Variants in ADRA1B observed in about 807,000 individuals in gnomAD.
ADRA1B encodes adrenoceptor alpha 1B.
Under a neutral mutation model 17.9 loss-of-function variants are expected in ADRA1B, and 17 were observed. That is an observed-to-expected ratio of 0.95 (90% CI 0.65 to 1.42). The LOEUF (loss-of-function observed/expected upper bound fraction) is 1.42, where lower values mean the gene tolerates loss of function less well. ADRA1B is among the 40% of genes most tolerant of loss of function. ADRA1B has a pLI of 0.00. For synonymous variants in ADRA1B, 366 were observed against 327.6 expected (o/e 1.12, Z -1.27); for missense variants, 681 against 722.1 (o/e 0.94, Z 0.65).
At chr5:159,952,190 C>T (rs531519146) in intron 1 of ADRA1B, among the ~76,000 whole-genome samples, 2 of 152,020 alleles carry the variant, frequency 1.3e-5, no homozygotes, top group Non-Finnish European at 2.9e-5. Context: ...TTCAAGAACC[C>T]CAGTGGATGC....
At chr5:159,940,903 A>G (rs903582156) in intron 1 of ADRA1B, among the ~76,000 whole-genome samples, 6 of 152,242 alleles carry the variant, frequency 3.9e-5, no homozygotes, top group Non-Finnish European at 7.3e-5. Flanking sequence ...CAGCTTTCCA[A>G]GCATAACTCT....
chr5:159,940,761 A>G (rs1246362328), intron 1 of ADRA1B, among the ~76,000 whole-genome samples: 1 of 152,172 alleles, frequency 6.6e-6, no homozygotes, highest in African/African-American at 2.4e-5. Context: ...TTTAGCAGCA[A>G]TTATCTGTGG....
chr5:159,913,827 A>G (rs932576965), upstream of ADRA1B, among the ~76,000 whole-genome samples: 1 of 152,162 alleles, frequency 6.6e-6, no homozygotes, highest in African/African-American at 2.4e-5. Context: ...GAAGTGGGAA[A>G]TGGGCCACCA....
At chr5:159,920,960 C>A (rs948327278) in intron 1 of ADRA1B, among the ~76,000 whole-genome samples, 1 of 152,170 alleles carries the variant, frequency 6.6e-6, no homozygotes, top group Non-Finnish European at 1.5e-5. Flanking sequence ...TGGTGATAGA[C>A]TTTCAGGTGC....
chr5:159,961,461 G>A (rs879691121), intron 1 of ADRA1B, among the ~76,000 whole-genome samples: 5 of 152,202 alleles, frequency 3.3e-5, no homozygotes, highest in Non-Finnish European at 5.9e-5. Flanking sequence ...CCAGGGTTAA[G>A]TGGCAAATAA....
intron 1 of ADRA1B, among the ~76,000 whole-genome samples, chr5:159,967,312 CAATAA>C (rs1215090873): frequency 6.6e-5 from 10 of 152,038 alleles, no homozygotes; most frequent in African/African-American, 1.9e-4. Context: ...AAAAAGCAAA[CAATAA>C]AATAACAAAA....
At position 159,881,180 on chromosome 5, in the gene ADRA1B, C is replaced by CAAAA. The variant is rs35928792; in HGVS notation, c.-256+15998_-256+16001dup. Among the ~76,000 whole-genome samples the CAAAA allele has an allele frequency of 9.0e-4, 51 of 56,810 alleles. 3 individuals are homozygous for CAAAA. Among genetic ancestry groups the CAAAA allele is most frequent in the African/African-American group, 1.9e-3 (34 of 18,016 alleles). The allele number at this position is 56,810 out of a possible 152,430, so 37.3% of individuals were successfully genotyped here. A position where few individuals can be genotyped will look rare whatever the true frequency, so the allele number is the denominator to read the frequency against. The stretch of plus-strand genomic sequence containing the variant: ...TGGGCGACAGAGCGAGACTCCGTCT[C>CAAAA]AAAAAAAAAAAAAAAAAAAAAAAAA... On this transcript the variant is annotated intron_variant, in intron 1 of 2. Coordinates refer to the ADRA1B transcript ENST00000641205.
chr5:159,887,831 A>G (rs1456888458), intron 1 of ADRA1B, among the ~76,000 whole-genome samples: 4 of 152,152 alleles, frequency 2.6e-5, no homozygotes, highest in Non-Finnish European at 5.9e-5. Flanking sequence ...AGTTATAACT[A>G]TGCTCCATGG....
chr5:159,924,931 T>G (rs1163173728), intron 1 of ADRA1B, among the ~76,000 whole-genome samples: 1 of 152,244 alleles, frequency 6.6e-6, no homozygotes. Flanking sequence ...GTGCTCTCCA[T>G]GCTGGCTAGG....
At chr5:159,933,965 A>G (rs1754881362) in intron 1 of ADRA1B, among the ~76,000 whole-genome samples, 5 of 152,142 alleles carry the variant, frequency 3.3e-5, no homozygotes, top group Admixed American at 3.3e-4. Flanking sequence ...GGAATGCAGT[A>G]GACAGCGTAT....
intron 1 of ADRA1B, among the ~76,000 whole-genome samples, chr5:159,897,917 C>T (rs1297845741): frequency 6.6e-6 from 1 of 152,216 alleles, no homozygotes; most frequent in Non-Finnish European, 1.5e-5. Flanking sequence ...GGCGCCTGAA[C>T]AGAAATGTTC....
intron 1 of ADRA1B, among the ~76,000 whole-genome samples, chr5:159,866,607 AAGAT>A (rs1753657120): frequency 1.3e-5 from 2 of 151,892 alleles, no homozygotes; most frequent in Non-Finnish European, 2.9e-5. Flanking sequence ...AAAAAAAAAA[AAGAT>A]AGTAATGGTA....
At chr5:159,952,166 C>A (rs1188170743) in intron 1 of ADRA1B, among the ~76,000 whole-genome samples, 1 of 152,122 alleles carries the variant, frequency 6.6e-6, no homozygotes, top group African/African-American at 2.4e-5. Flanking sequence ...CCTTCTTATT[C>A]TTGGGGGATA....
intron 1 of ADRA1B, among the ~76,000 whole-genome samples, chr5:159,931,217 C>G (rs1411781867): frequency 6.7e-6 from 1 of 150,362 alleles, no homozygotes; most frequent in Non-Finnish European, 1.5e-5. Flanking sequence ...TAGGGAGACC[C>G]CCCATCTCTA....
At chr5:159,880,288 A>C (rs1341653816) in intron 1 of ADRA1B, among the ~76,000 whole-genome samples, 1 of 152,214 alleles carries the variant, frequency 6.6e-6, no homozygotes, top group African/African-American at 2.4e-5. Context: ...CCTATAACAG[A>C]GAAGAGTAAA....
At chr5:159,917,912 T>G in intron 1 of ADRA1B, 58 bp downstream of exon 1, 14 of 1,430,556 alleles carry the variant, frequency 9.8e-6, no homozygotes, top group Non-Finnish European at 1.1e-5. Context: ...GGTTTACTGA[T>G]GAGCTTACTC....
chr5:159,937,301 T>C (rs1361974964), intron 1 of ADRA1B, among the ~76,000 whole-genome samples: 8 of 152,236 alleles, frequency 5.3e-5, no homozygotes, highest in Admixed American at 5.2e-4. Flanking sequence ...AGGAAGTTGC[T>C]ATTATCTCCT....
intron 1 of ADRA1B, chr5:159,870,495 T>C (rs948892296): frequency 6.6e-6 from 1 of 152,198 alleles, no homozygotes; most frequent in African/African-American, 2.4e-5. Context: ...CACTGGCCTA[T>C]GGGAGATTCA....
intron 1 of ADRA1B, among the ~76,000 whole-genome samples, chr5:159,971,378 CTT>C (rs1755862159): frequency 6.6e-6 from 1 of 152,166 alleles, no homozygotes; most frequent in Non-Finnish European, 1.5e-5. Flanking sequence ...AAAAAATAGT[CTT>C]TTATGTTGTT....
Sources: gnomAD v4.1 joint callset for allele counts (sites outside exome capture counted in the v4.1 genomes callset) on GRCh38, gnomAD v4.1.1 for gene constraint, MANE v1.5 for transcripts, NCBI Gene and HGNC (gene_info 2026-07-23, HGNC 2026-07-21) for gene names.